The following C8orf34 variants were observed in gnomAD, a reference collection of about 807,000 sequenced individuals.
The protein encoded by C8orf34 is uncharacterized protein C8orf34.
Under a neutral mutation model 68.3 loss-of-function variants are expected in C8orf34, and 65 were observed. The observed-to-expected ratio is 0.95, with a 90% CI of 0.78 to 1.17. C8orf34 has a LOEUF of 1.17. Ranked by LOEUF, C8orf34 falls within the 50% of genes most tolerant of loss-of-function variation. C8orf34 has a pLI of 0.00. For missense variants in C8orf34, 664 were observed against 655.4 expected (o/e 1.01, Z -0.14); for synonymous variants, 244 against 241.2 (o/e 1.01, Z -0.11).
intron 6 of C8orf34, among the ~76,000 whole-genome samples, chr8:68,529,675 T>G (rs528631335): frequency 1.3e-5 from 2 of 152,284 alleles, no homozygotes; most frequent in African/African-American, 2.4e-5. Flanking sequence ...AGAAAAACAG[T>G]TATGGACCTG....
At chr8:68,513,872 A>G (rs937898032) in intron 5 of C8orf34, among the ~76,000 whole-genome samples, 4 of 151,922 alleles carry the variant, frequency 2.6e-5, no homozygotes, top group African/African-American at 7.3e-5. Context: ...AGGAAGGAAA[A>G]GGCCATGAAA....
chr8:68,806,011 A>G (rs1048589842), intron 12 of C8orf34, among the ~76,000 whole-genome samples: 4 of 151,470 alleles, frequency 2.6e-5, no homozygotes, highest in Non-Finnish European at 2.9e-5. Flanking sequence ...GATTCTTTCG[A>G]TAGTTGTTCT....
intron 1 of C8orf34, among the ~76,000 whole-genome samples, chr8:68,334,058 C>CT (rs2129617739): frequency 6.6e-6 from 1 of 152,288 alleles, no homozygotes; most frequent in Admixed American, 6.5e-5. Flanking sequence ...ACTTGATCCT[C>CT]TTTTTTACCT....
rs575336704 is a variant in C8orf34, at chr8:68,764,695, C to A, written c.1405-11704C>A. Among the ~76,000 whole-genome samples the A allele has an allele frequency of 2.6e-5, 4 of 152,212 alleles. No homozygotes were observed. In the South Asian group the frequency reaches 8.3e-4, roughly 32 times the overall value. ...GACAAAGAGACAGAAGAGACACTGC[C>A]TTTGGGGGCCTCAGGTTTATTCAGT... On this transcript the variant is annotated intron_variant, in intron 10 of 13. Transcript: ENST00000518698.
chr8:68,716,872 T>G (rs1213422310), intron 9 of C8orf34, among the ~76,000 whole-genome samples: 1 of 151,876 alleles, frequency 6.6e-6, no homozygotes, highest in Admixed American at 6.6e-5. Context: ...GTGAAATTTT[T>G]TTATGCAGTA....
intron 7 of C8orf34, among the ~76,000 whole-genome samples, chr8:68,568,015 G>T (rs1405648156): frequency 6.6e-6 from 1 of 151,974 alleles, no homozygotes; most frequent in Non-Finnish European, 1.5e-5. Context: ...TGTGTCTCAG[G>T]GAATAGGGAG....
At chr8:68,729,052 G>T (rs11778752) in intron 10 of C8orf34, among the ~76,000 whole-genome samples, 3 of 151,994 alleles carry the variant, frequency 2.0e-5, no homozygotes, top group Non-Finnish European at 4.4e-5. Context: ...AACTATAATT[G>T]GAAAACATGA....
At chr8:68,436,351 G>C (rs1333166937) in intron 1 of C8orf34, among the ~76,000 whole-genome samples, 1 of 152,130 alleles carries the variant, frequency 6.6e-6, no homozygotes. Context: ...ATCTCCTGTT[G>C]GTGACAGCTG....
intron 10 of C8orf34, among the ~76,000 whole-genome samples, chr8:68,732,198 A>G (rs1024488394): frequency 2.0e-5 from 3 of 152,358 alleles, no homozygotes; most frequent in Non-Finnish European, 4.4e-5. Flanking sequence ...TTCTTAATAC[A>G]TTCCAGAGGA....
chr8:68,702,834 C>T (rs1220689157), intron 8 of C8orf34, among the ~76,000 whole-genome samples: 2 of 152,100 alleles, frequency 1.3e-5, no homozygotes, highest in Non-Finnish European at 2.9e-5. Context: ...CATCCATTCT[C>T]TTACTGTTTG....
At chr8:68,804,344 C>G (rs1021461498) in intron 12 of C8orf34, among the ~76,000 whole-genome samples, 6 of 152,120 alleles carry the variant, frequency 3.9e-5, no homozygotes, top group Non-Finnish European at 8.8e-5. Flanking sequence ...AGATTTAATA[C>G]CTAAGTGCTA....
chr8:68,557,714 A>G (rs1816297638), intron 7 of C8orf34, among the ~76,000 whole-genome samples: 1 of 152,222 alleles, frequency 6.6e-6, no homozygotes, highest in South Asian at 2.1e-4. Flanking sequence ...CATCCTTCCC[A>G]AAGAGTAGTT....
At chr8:68,449,349 A>G (rs1811248952) in intron 3 of C8orf34, among the ~76,000 whole-genome samples, 2 of 152,140 alleles carry the variant, frequency 1.3e-5, no homozygotes, top group Admixed American at 1.3e-4. Context: ...TACATTCACA[A>G]TATTATGCTA....
intron 2 of C8orf34, among the ~76,000 whole-genome samples, chr8:68,444,520 G>A (rs1422710622): frequency 6.6e-6 from 1 of 152,026 alleles, no homozygotes; most frequent in Non-Finnish European, 1.5e-5. Context: ...AATGAGGAAT[G>A]TTCTATCTAG....
chr8:68,572,165 T>C (rs1015712000), intron 7 of C8orf34, among the ~76,000 whole-genome samples: 1 of 152,046 alleles, frequency 6.6e-6, no homozygotes, highest in African/African-American at 2.4e-5. Context: ...ATTATAATCT[T>C]ATGGGACCAC....
chr8:68,442,617 A>G (rs906380282), intron 2 of C8orf34, among the ~76,000 whole-genome samples: 5 of 151,866 alleles, frequency 3.3e-5, no homozygotes, highest in African/African-American at 1.2e-4. Flanking sequence ...TAGTGAAAAT[A>G]TGAGCAATAT....
At chr8:68,797,410 C>G (rs1824208918) in intron 12 of C8orf34, among the ~76,000 whole-genome samples, 1 of 152,108 alleles carries the variant, frequency 6.6e-6, no homozygotes, top group Non-Finnish European at 1.5e-5. Flanking sequence ...ATGCTTCACT[C>G]ATGACTTCCC....
At chr8:68,733,029 G>C (rs751389831) in intron 10 of C8orf34, among the ~76,000 whole-genome samples, 1 of 152,022 alleles carries the variant, frequency 6.6e-6, no homozygotes, top group African/African-American at 2.4e-5. Context: ...ACCCCACTGT[G>C]CTCCAGCCTG....
intron 5 of C8orf34, among the ~76,000 whole-genome samples, chr8:68,497,190 A>C (rs903592696): frequency 6.6e-6 from 1 of 152,182 alleles, no homozygotes; most frequent in Admixed American, 6.5e-5. Context: ...AAAAGACCTA[A>C]ATTCCATATA....
Sources: gnomAD v4.1 joint callset for allele counts (sites outside exome capture counted in the v4.1 genomes callset) on GRCh38, gnomAD v4.1.1 for gene constraint, MANE v1.5 for transcripts, NCBI Gene and HGNC (gene_info 2026-07-23, HGNC 2026-07-21) for gene names.